Variants in BST1 observed in about 807,000 individuals in gnomAD.
The protein encoded by BST1 is ADP-ribosyl cyclase/cyclic ADP-ribose hydrolase 2.
Under a neutral mutation model 40.6 loss-of-function variants are expected in BST1, and 49 were observed. That is an observed-to-expected ratio of 1.21 (90% CI 0.96 to 1.53). The LOEUF (loss-of-function observed/expected upper bound fraction) is 1.53, where lower values mean the gene tolerates loss of function less well. Ranked by LOEUF, BST1 falls within the 40% of genes most tolerant of loss-of-function variation. The pLI is 0.00. For synonymous variants in BST1, 157 were observed against 159.3 expected (o/e 0.99, Z 0.11); for missense variants, 423 against 395.9 (o/e 1.07, Z -0.58).
chr4:15,703,580 A>G (rs1488476047), intron 1 of BST1, among the ~76,000 whole-genome samples: 1 of 135,100 alleles, frequency 7.4e-6, no homozygotes, highest in Non-Finnish European at 1.6e-5. Context: ...GTGTGCGCGC[A>G]CACACACACT....
At chr4:15,726,078 C>T (rs1164567831) in intron 8 of BST1, among the ~76,000 whole-genome samples, 6 of 149,878 alleles carry the variant, frequency 4.0e-5, no homozygotes, top group Admixed American at 6.7e-5. Flanking sequence ...CCTCCCACCT[C>T]AGCCTCCCAA....
chr4:15,769,539 G>A, the BST1 span, among the ~76,000 whole-genome samples: 2 of 152,140 alleles, frequency 1.3e-5, no homozygotes, highest in Admixed American at 6.5e-5. Flanking sequence ...GAGATGCTCA[G>A]GCTCAAAGAG....
chr4:15,751,411 G>A, the BST1 span, among the ~76,000 whole-genome samples: 1 of 152,146 alleles, frequency 6.6e-6, no homozygotes, highest in African/African-American at 2.4e-5. Flanking sequence ...TTGACTAGCT[G>A]TGATCAGGGA....
At chr4:15,703,562 G>C (rs1719668047) in intron 1 of BST1, among the ~76,000 whole-genome samples, 1 of 149,120 alleles carries the variant, frequency 6.7e-6, no homozygotes, top group Admixed American at 6.6e-5. Flanking sequence ...CTAGAGATGA[G>C]TGTGTGTGTG....
the BST1 span, among the ~76,000 whole-genome samples, chr4:15,768,148 C>G: frequency 6.6e-6 from 1 of 152,320 alleles, no homozygotes; most frequent in African/African-American, 2.4e-5. Context: ...GTTAGGCAAT[C>G]TGGACTTTCC....
At chr4:15,767,748 T>C in the BST1 span, among the ~76,000 whole-genome samples, 6 of 152,044 alleles carry the variant, frequency 3.9e-5, no homozygotes, top group Admixed American at 6.6e-5. Context: ...GAAGCTGGAT[T>C]GATGTGGGGA....
chr4:15,762,671 T>C, the BST1 span, among the ~76,000 whole-genome samples: 29 of 152,106 alleles, frequency 1.9e-4, no homozygotes, highest in Middle Eastern at 0.014. Context: ...TCTGAACTTA[T>C]AACTGAAAGT....
At chr4:15,764,873 G>GGTGTGTGTGTGTGTGTGTGTGTGT in the BST1 span, among the ~76,000 whole-genome samples, 693 of 137,434 alleles carry the variant, frequency 5.0e-3, 5 homozygotes, top group African/African-American at 0.011. Context: ...AATTAGGTGA[G>GGTGTGTGTGTGTGTGTGTGTGTGT]GTGTGTGTGT....
intron 8 of BST1, among the ~76,000 whole-genome samples, chr4:15,724,970 G>A (rs984938409): frequency 6.6e-6 from 1 of 152,168 alleles, no homozygotes. Flanking sequence ...AAGATGTGGA[G>A]GTGAGCGTCT....
chr4:15,771,568 A>G, the BST1 span, among the ~76,000 whole-genome samples: 2 of 152,242 alleles, frequency 1.3e-5, no homozygotes, highest in African/African-American at 4.8e-5. Flanking sequence ...GAAGGTGCCA[A>G]ATCCCTGGTG....
chr4:15,731,099 T>C (rs1721347581), intron 8 of BST1: 5 of 450,194 alleles, frequency 1.1e-5, no homozygotes, highest in Non-Finnish European at 2.1e-5. Context: ...ACAAGCTCAT[T>C]GTCTGTCCTT....
At chr4:15,771,144 C>G in the BST1 span, among the ~76,000 whole-genome samples, 1 of 152,178 alleles carries the variant, frequency 6.6e-6, no homozygotes, top group African/African-American at 2.4e-5. Context: ...TGTAACTATG[C>G]ACAAATAAGT....
the BST1 span, among the ~76,000 whole-genome samples, chr4:15,749,237 G>T: frequency 0.014 from 2,124 of 152,294 alleles, 56 homozygotes; most frequent in African/African-American, 0.048. Flanking sequence ...AGGCTCTCAG[G>T]CAGTCACAGG....
chr4:15,724,459 G>T (rs1720990577), intron 8 of BST1, among the ~76,000 whole-genome samples: 1 of 152,196 alleles, frequency 6.6e-6, no homozygotes, highest in Non-Finnish European at 1.5e-5. Flanking sequence ...GGCTGAGGCG[G>T]GTGGATCACC....
chr4:15,730,585 T>C (rs887503232), intron 8 of BST1, among the ~76,000 whole-genome samples: 1 of 152,222 alleles, frequency 6.6e-6, no homozygotes, highest in African/African-American at 2.4e-5. Context: ...CAGATTCCAT[T>C]TGTGCTTAGA....
At chr4:15,727,300 C>T (rs1474298764) in intron 8 of BST1, among the ~76,000 whole-genome samples, 1 of 152,178 alleles carries the variant, frequency 6.6e-6, no homozygotes, top group Non-Finnish European at 1.5e-5. Context: ...CTGTTCTTCC[C>T]TGTGTGTGGG....
intron 8 of BST1, chr4:15,723,627 T>C (rs1459958702): frequency 5.5e-5 from 54 of 983,006 alleles, no homozygotes; most frequent in Admixed American, 1.8e-4. Flanking sequence ...TTTGCTATTA[T>C]AAACAATGCT....
intron 4 of BST1, 62 bp from the exon 5 acceptor site, chr4:15,715,223 A>G: frequency 6.8e-7 from 1 of 1,469,704 alleles, no homozygotes; most frequent in Admixed American, 1.7e-5. Flanking sequence ...TAAAAAATGC[A>G]CATTTCATAG....
At chr4:15,731,316 GCCAGTTTCTTGA>G (rs1398995337) in intron 8 of BST1, 2 of 509,096 alleles carry the variant, frequency 3.9e-6, no homozygotes, top group Non-Finnish European at 7.1e-6. Context: ...CATACTCTTG[GCCAGTTTCTTGA>G]CCAGTTTCTT....
Sources: gnomAD v4.1 joint callset for allele counts (sites outside exome capture counted in the v4.1 genomes callset) on GRCh38, gnomAD v4.1.1 for gene constraint, MANE v1.5 for transcripts, NCBI Gene and HGNC (gene_info 2026-07-23, HGNC 2026-07-21) for gene names.